Variants in SPAG16 observed in about 807,000 individuals in gnomAD.
The protein encoded by SPAG16 is sperm-associated antigen 16 protein.
Under a neutral mutation model 80.4 loss-of-function variants are expected in SPAG16, and 86 were observed. The ratio of observed to expected loss-of-function variants is 1.07; its 90% confidence interval spans 0.90 to 1.28. SPAG16 has a LOEUF of 1.28. Among genes scored for constraint, SPAG16 ranks in the 50% most tolerant of loss-of-function variants. SPAG16 has a pLI of 0.00. For synonymous variants in SPAG16, 294 were observed against 265.9 expected, an observed-to-expected ratio of 1.11 and a Z score of -1.03; for missense variants, 870 against 765.3, an observed-to-expected ratio of 1.14 and a Z score of -1.61.
At chr2:214,292,203 G>A (rs1693851853) in intron 15 of SPAG16, among the ~76,000 whole-genome samples, 1 of 152,122 alleles carries the variant, frequency 6.6e-6, no homozygotes. Flanking sequence ...ACTTTAGATG[G>A]TTGGACTATA....
chr2:214,103,964 TGAGA>T (rs35402153), intron 13 of SPAG16, among the ~76,000 whole-genome samples: 35,394 of 150,210 alleles, frequency 0.24, 4,449 homozygotes, highest in Middle Eastern at 0.27. Flanking sequence ...AGAGAGACAG[TGAGA>T]GAGGGAGGGA....
intron 10 of SPAG16, among the ~76,000 whole-genome samples, chr2:213,626,392 A>G (rs972010731): frequency 3.9e-5 from 6 of 152,174 alleles, no homozygotes; most frequent in Non-Finnish European, 8.8e-5. Flanking sequence ...TAGCTGCAGT[A>G]AAGGCAGTAA....
intron 9 of SPAG16, among the ~76,000 whole-genome samples, chr2:213,445,662 G>T (rs553026645): frequency 6.6e-6 from 1 of 151,874 alleles, no homozygotes; most frequent in Non-Finnish European, 1.5e-5. Context: ...GTGAAACTCC[G>T]TCTCAAAAAA....
intron 15 of SPAG16, among the ~76,000 whole-genome samples, chr2:214,326,814 GGGCGCCTGT>G (rs1444818250): frequency 1.3e-5 from 2 of 151,648 alleles, no homozygotes; most frequent in Non-Finnish European, 2.9e-5. Flanking sequence ...GCGTGGTGGC[GGGCGCCTGT>G]GGTCCCAGCT....
intron 9 of SPAG16, among the ~76,000 whole-genome samples, chr2:213,387,328 A>C (rs1426751677): frequency 6.6e-6 from 1 of 151,458 alleles, no homozygotes; most frequent in Non-Finnish European, 1.5e-5. Context: ...TTTTAAGAAA[A>C]TAGAAAGGAA....
chr2:213,540,019 A>G (rs2076379760), intron 10 of SPAG16, among the ~76,000 whole-genome samples: 1 of 146,698 alleles, frequency 6.8e-6, no homozygotes, highest in Non-Finnish European at 1.5e-5. Flanking sequence ...TGATACCATT[A>G]TATTTCTTAA....
At chr2:213,677,916 G>C (rs559097666) in intron 10 of SPAG16, among the ~76,000 whole-genome samples, 1 of 151,930 alleles carries the variant, frequency 6.6e-6, no homozygotes, top group Admixed American at 6.6e-5. Context: ...ATAACAAACT[G>C]TCTCTCAGAC....
chr2:213,534,955 A>C (rs2076194300), intron 10 of SPAG16, among the ~76,000 whole-genome samples: 2 of 152,228 alleles, frequency 1.3e-5, no homozygotes, highest in South Asian at 4.1e-4. Flanking sequence ...TTAAAAGAAG[A>C]GTAGATTAGG....
intron 15 of SPAG16, among the ~76,000 whole-genome samples, chr2:214,354,391 G>C (rs917882443): frequency 7.9e-5 from 12 of 152,214 alleles, no homozygotes; most frequent in African/African-American, 2.9e-4. Context: ...ATGCTGTTTT[G>C]GTTACTGTAG....
chr2:214,235,749 T>C (rs1689031259), intron 15 of SPAG16, among the ~76,000 whole-genome samples: 1 of 152,206 alleles, frequency 6.6e-6, no homozygotes, highest in Non-Finnish European at 1.5e-5. Context: ...AATTGCAAGG[T>C]TTAAACTATG....
At chr2:214,250,548 TAATTC>T (rs1690175423) in intron 15 of SPAG16, among the ~76,000 whole-genome samples, 1 of 149,874 alleles carries the variant, frequency 6.7e-6, no homozygotes, top group South Asian at 2.1e-4. Flanking sequence ...TTCTAATTGT[TAATTC>T]AATAACCTTT....
At chr2:214,297,163 T>C (rs1200580198) in intron 15 of SPAG16, among the ~76,000 whole-genome samples, 2 of 152,170 alleles carry the variant, frequency 1.3e-5, no homozygotes, top group African/African-American at 4.8e-5. Context: ...GGGTTGTTTT[T>C]GTTATTGTTG....
intron 10 of SPAG16, among the ~76,000 whole-genome samples, chr2:213,512,778 C>G (rs1242869864): frequency 1.3e-5 from 2 of 152,104 alleles, no homozygotes; most frequent in African/African-American, 4.8e-5. Context: ...AGTACTATCT[C>G]CAGGCATTTC....
chr2:214,325,305 A>G (rs925050284), intron 15 of SPAG16, among the ~76,000 whole-genome samples: 1 of 152,210 alleles, frequency 6.6e-6, no homozygotes, highest in Non-Finnish European at 1.5e-5. Context: ...TTATTTAACA[A>G]GCTACCAGAT....
intron 10 of SPAG16, among the ~76,000 whole-genome samples, chr2:213,632,806 T>G (rs2062205514): frequency 6.6e-6 from 1 of 152,146 alleles, no homozygotes; most frequent in Non-Finnish European, 1.5e-5. Flanking sequence ...ATCCTTGCAT[T>G]CTAGGGATAA....
At chr2:213,623,317 C>T (rs1034902378) in intron 10 of SPAG16, among the ~76,000 whole-genome samples, 3 of 151,816 alleles carry the variant, frequency 2.0e-5, no homozygotes, top group Non-Finnish European at 2.9e-5. Flanking sequence ...ATCACTAAAT[C>T]GAAGGTAAAA....
chr2:214,214,825 T>C (rs2058386279), intron 15 of SPAG16, among the ~76,000 whole-genome samples: 1 of 151,616 alleles, frequency 6.6e-6, no homozygotes, highest in African/African-American at 2.4e-5. Context: ...CCAGAAATGC[T>C]TACATAGAAA....
chr2:214,019,693 G>A (rs188412599), intron 13 of SPAG16, among the ~76,000 whole-genome samples: 109 of 152,268 alleles, frequency 7.2e-4, no homozygotes, highest in Non-Finnish European at 9.3e-4. Context: ...ATAGGATCTG[G>A]TGAACTCTAA....
At chr2:214,397,498 G>T (rs927124319) in intron 15 of SPAG16, among the ~76,000 whole-genome samples, 1 of 152,086 alleles carries the variant, frequency 6.6e-6, no homozygotes, top group Non-Finnish European at 1.5e-5. Flanking sequence ...TGTCTTATAG[G>T]TGTTCAAATT....
Sources: allele counts gnomAD v4.1 joint callset (sites outside exome capture counted in the v4.1 genomes callset), GRCh38; gene constraint gnomAD v4.1.1; transcripts MANE v1.5; gene names NCBI Gene and HGNC (gene_info 2026-07-23, HGNC 2026-07-21).